Variants in ADCY2 observed in about 807,000 individuals in gnomAD.
The protein encoded by ADCY2 is adenylate cyclase 2.
ADCY2 carries 31 observed loss-of-function variants against 125.2 expected under a neutral mutation model. The observed-to-expected ratio is 0.25, with a 90% CI of 0.19 to 0.33. The LOEUF (loss-of-function observed/expected upper bound fraction) is 0.33. Among genes scored for constraint, ADCY2 ranks in the 10% least tolerant of loss-of-function variants. The pLI is 1.00. For synonymous variants in ADCY2, 512 were observed against 548.4 expected, an observed-to-expected ratio of 0.93 and a Z score of 0.93; for missense variants, 904 against 1,418.2, an observed-to-expected ratio of 0.64 and a Z score of 5.82.
intron 4 of ADCY2, among the ~76,000 whole-genome samples, chr5:7,660,291 GGAAGGA>G (rs1403074765): frequency 7.2e-5 from 10 of 138,832 alleles, no homozygotes; most frequent in African/African-American, 2.5e-4. Context: ...AAGGAAGGAA[GGAAGGA>G]AGGACTGTGA....
At chr5:7,659,909 A>C (rs1359055175) in intron 4 of ADCY2, among the ~76,000 whole-genome samples, 1 of 152,208 alleles carries the variant, frequency 6.6e-6, no homozygotes, top group Non-Finnish European at 1.5e-5. Flanking sequence ...CACAGTAATA[A>C]AAGATGGAGC....
chr5:7,761,742 G>A (rs1203785000), intron 16 of ADCY2, among the ~76,000 whole-genome samples: 1 of 152,180 alleles, frequency 6.6e-6, no homozygotes, highest in African/African-American at 2.4e-5. Context: ...TGGTTTGGAA[G>A]CTAACTCTAT....
At chr5:7,733,320 T>C (rs1271883484) in intron 14 of ADCY2, among the ~76,000 whole-genome samples, 1 of 152,256 alleles carries the variant, frequency 6.6e-6, no homozygotes, top group African/African-American at 2.4e-5. Flanking sequence ...GTAAAACGTG[T>C]TCAAATCCTG....
At chr5:7,578,860 G>A (rs1013302553) in intron 3 of ADCY2, among the ~76,000 whole-genome samples, 3 of 152,130 alleles carry the variant, frequency 2.0e-5, no homozygotes, top group Admixed American at 6.6e-5. Flanking sequence ...GCCACTCTGA[G>A]TCCAAATACG....
intron 3 of ADCY2, among the ~76,000 whole-genome samples, chr5:7,570,620 CAA>C (rs33956366): frequency 0.38 from 43,044 of 112,836 alleles, 5,894 homozygotes; most frequent in East Asian, 0.45. Context: ...AGTCAAGGGA[CAA>C]AAAAAAAAAA....
intron 3 of ADCY2, among the ~76,000 whole-genome samples, chr5:7,529,507 A>G (rs1734574936): frequency 6.6e-6 from 1 of 152,188 alleles, no homozygotes; most frequent in Non-Finnish European, 1.5e-5. Flanking sequence ...ACTCTGGGCT[A>G]GTTATTTTTG....
intron 4 of ADCY2, among the ~76,000 whole-genome samples, chr5:7,679,153 G>T (rs2126712500): frequency 6.6e-6 from 1 of 152,310 alleles, no homozygotes; most frequent in South Asian, 2.1e-4. Context: ...CCTAGCTGTG[G>T]GTGGGGAGGG....
chr5:7,523,064 C>T (rs1477044702), intron 3 of ADCY2, among the ~76,000 whole-genome samples: 1 of 152,190 alleles, frequency 6.6e-6, no homozygotes, highest in African/African-American at 2.4e-5. Context: ...TACCCTGGAA[C>T]ACATCCCTTG....
chr5:7,779,218 C>G (rs1219083445), intron 18 of ADCY2, among the ~76,000 whole-genome samples: 2 of 152,172 alleles, frequency 1.3e-5, no homozygotes, highest in Non-Finnish European at 2.9e-5. Context: ...CTATAAAGAG[C>G]AACCGTTAGT....
At chr5:7,567,578 A>G (rs1036069986) in intron 3 of ADCY2, among the ~76,000 whole-genome samples, 2 of 152,126 alleles carry the variant, frequency 1.3e-5, no homozygotes, top group African/African-American at 2.4e-5. Flanking sequence ...TTTTTCAGCC[A>G]TGAAGTAATG....
At chr5:7,646,762 G>C (rs1217645834) in intron 4 of ADCY2, among the ~76,000 whole-genome samples, 1 of 152,182 alleles carries the variant, frequency 6.6e-6, no homozygotes. Context: ...AGGGAACCAA[G>C]TTCTGCATAA....
chr5:7,577,296 G>T (rs866531410), intron 3 of ADCY2, among the ~76,000 whole-genome samples: 2 of 152,174 alleles, frequency 1.3e-5, no homozygotes, highest in Non-Finnish European at 2.9e-5. Context: ...ACCAAAAAAA[G>T]TAAGATAGTC....
chr5:7,442,725 CTAAT>C (rs1214460186), intron 2 of ADCY2, among the ~76,000 whole-genome samples: 4 of 152,128 alleles, frequency 2.6e-5, no homozygotes, highest in Non-Finnish European at 5.9e-5. Context: ...ATGAGTAGGG[CTAAT>C]TAGTTTATCT....
intron 2 of ADCY2, among the ~76,000 whole-genome samples, chr5:7,514,733 G>A (rs10079578): frequency 0.03 from 4,513 of 152,230 alleles, 215 homozygotes; most frequent in African/African-American, 0.1. Flanking sequence ...AGAGATACAC[G>A]GAGAAGAGAA....
intron 2 of ADCY2, among the ~76,000 whole-genome samples, chr5:7,479,132 A>G (rs144171275): frequency 6.6e-6 from 1 of 152,238 alleles, no homozygotes; most frequent in Non-Finnish European, 1.5e-5. Context: ...TTGATTCATG[A>G]ATTATAGTTC....
At chr5:7,549,460 C>A (rs1477085663) in intron 3 of ADCY2, among the ~76,000 whole-genome samples, 1 of 152,146 alleles carries the variant, frequency 6.6e-6, no homozygotes, top group African/African-American at 2.4e-5. Flanking sequence ...AAATGTAATT[C>A]CCCGAATAGG....
chr5:7,629,489 T>G (rs186957696), intron 4 of ADCY2, among the ~76,000 whole-genome samples: 1 of 152,350 alleles, frequency 6.6e-6, no homozygotes, highest in East Asian at 1.9e-4. Context: ...TGGCCATTTG[T>G]ACTATAAGAT....
chr5:7,744,881 G>C (rs992892995), intron 15 of ADCY2, among the ~76,000 whole-genome samples: 1 of 152,216 alleles, frequency 6.6e-6, no homozygotes, highest in Non-Finnish European at 1.5e-5. Context: ...CTACAGTCTA[G>C]ATATTTTCAC....
chr5:7,411,260 G>C (rs1739705027), intron 1 of ADCY2, among the ~76,000 whole-genome samples: 1 of 152,292 alleles, frequency 6.6e-6, no homozygotes, highest in South Asian at 2.1e-4. Context: ...GCAGCTGACT[G>C]TCTCAAGCCG....
Sources: allele counts gnomAD v4.1 joint callset (sites outside exome capture counted in the v4.1 genomes callset), GRCh38; gene constraint gnomAD v4.1.1; transcripts MANE v1.5; gene names NCBI Gene and HGNC (gene_info 2026-07-23, HGNC 2026-07-21).